The following ADCY4 variants were observed in gnomAD, a reference collection of about 807,000 sequenced individuals.
The protein encoded by ADCY4 is adenylate cyclase 4, also known as adenylate cyclase type 4.
ADCY4 carries 111 observed loss-of-function variants against 125.5 expected under a neutral mutation model. That is an observed-to-expected ratio of 0.88 (90% CI 0.76 to 1.04). The LOEUF is 1.04. ADCY4 is among the 50% of genes least tolerant of loss of function. The pLI, the probability that ADCY4 is intolerant of heterozygous loss-of-function variation, is 0.00. For missense variants in ADCY4, 1,256 were observed against 1,382.9 expected, an observed-to-expected ratio of 0.91 and a Z score of 1.46; for synonymous variants, 576 against 586.9, an observed-to-expected ratio of 0.98 and a Z score of 0.27.
chr14:24,332,549 C>A lies in ADCY4; in HGVS notation c.492G>T (p.Pro164=). 8 of 1,572,296 alleles carry A rather than the reference C, an allele frequency of 5.1e-6. No individual in the cohort carries two copies. Among genetic ancestry groups the A allele is most frequent in the Non-Finnish European group, 6.9e-6 (8 of 1,158,936 alleles). The change falls in exon 3 of 25, where the codon CCG becomes CCT. Residue 164 remains proline, a synonymous_variant. Transcript: ENST00000418030. ...LVLGLYLGPQ[P]DSRPALLPQL... ...GCGGCAGCAGTGCAGGCCGTGAGTC[C>A]GGCTGTGGCCCAAGATACAGCCCGA...
intron 3 of ADCY4, 38 bp from the exon 4 acceptor site, chr14:24,331,975 G>C: frequency 2.0e-6 from 3 of 1,498,648 alleles, no homozygotes; most frequent in Admixed American, 2.1e-5. Flanking sequence ...CGCGGGACCC[G>C]GGTGCTTGTC....
intron 20 of ADCY4, among the ~76,000 whole-genome samples, chr14:24,320,736 T>C (rs2041837536): frequency 1.3e-5 from 2 of 152,176 alleles, no homozygotes; most frequent in South Asian, 2.1e-4. Context: ...ATTTTTGCAA[T>C]GGAAACATTC....
At chr14:24,325,347 C>A (rs749411542) in intron 14 of ADCY4, 30 bp downstream of exon 14, 1 of 1,591,926 alleles carries the variant, frequency 6.3e-7, no homozygotes, top group South Asian at 1.1e-5. Flanking sequence ...TTATGACAGC[C>A]AGGGCCTCCT....
chr14:24,323,173 G>T, intron 17 of ADCY4, 85 bp from the exon 18 acceptor site: 1 of 1,502,776 alleles, frequency 6.7e-7, no homozygotes. Flanking sequence ...GTCCCTCCCA[G>T]GCCCAGGTCC....
At chr14:24,329,710 T>C (rs2042010193) in intron 8 of ADCY4, 150 bp downstream of exon 8, 1 of 1,402,722 alleles carries the variant, frequency 7.1e-7, no homozygotes, top group Non-Finnish European at 9.5e-7. Context: ...CCAGCTCCCC[T>C]CCCTGCACCC....
At position 24,326,326 on chromosome 14, in the gene ADCY4, G is replaced by T; in HGVS notation, c.1541C>A (p.Ser514Tyr). The T allele has an allele frequency of 6.2e-7, 1 of 1,614,074 alleles. No individual in the cohort carries two copies. The highest frequency in any genetic ancestry group is 8.5e-7 in the Non-Finnish European group (1 of 1,180,018). ...STPLPEKTLA[S>Y]FSTQWSLDRS... The stretch of plus-strand genomic sequence containing the variant: ...ATCCAGGCTCCACTGGGTGCTGAAG[G>T]AAGCCAGGGTCTTCTCCTGTTGGGA... Residue 514 changes from serine to tyrosine, a missense_variant, in exon 11 of 25, where the codon TCC becomes TAC. Ser to Tyr is a moderately radical substitution (Grantham distance 144, BLOSUM62 -2). Coordinates refer to ENST00000418030, the MANE Select transcript of ADCY4 (RefSeq NM_001198568.2).
chr14:24,322,206 G>A lies in ADCY4; in HGVS notation c.2446C>T (p.Leu816=), dbSNP rs762135158. 6.2e-7 allele frequency: 1 copy of A among 1,613,690 alleles called. No homozygotes were observed. The highest frequency in any genetic ancestry group is 8.5e-7 in the Non-Finnish European group (1 of 1,179,818). ...LARQNEYYCR[L]DFLWKKKLRQ... ...AGCTTCTTCTTCCACAGGAAGTCCA[G>A]GCGGCAGTAGTACTCATTCTGGGGA... The change falls in exon 20 of 25, where the codon CTG becomes TTG. Residue 816 remains leucine, a synonymous_variant. Coordinates refer to ENST00000418030, the MANE Select transcript of ADCY4 (RefSeq NM_001198568.2).
chr14:24,330,933 T>C, intron 6 of ADCY4, 85 bp downstream of exon 6: 1 of 1,263,192 alleles, frequency 7.9e-7, no homozygotes, highest in East Asian at 2.4e-5. Flanking sequence ...CCTGGGATCT[T>C]ATAAGGTGGG....
intron 1 of ADCY4, among the ~76,000 whole-genome samples, chr14:24,333,856 T>C (rs1233128999): frequency 6.6e-6 from 1 of 152,112 alleles, no homozygotes; most frequent in Non-Finnish European, 1.5e-5. Flanking sequence ...TCTCGCCACC[T>C]GCCTCAACTC....
At chr14:24,327,489 C>T (rs1258910667) in intron 10 of ADCY4, among the ~76,000 whole-genome samples, 1 of 152,174 alleles carries the variant, frequency 6.6e-6, no homozygotes, top group African/African-American at 2.4e-5. Flanking sequence ...TCAGCTGAAC[C>T]TCAGCTTCTT....
Position 24,322,997 on chromosome 14 carries a change from C to T in ADCY4, c.2249G>A (p.Trp750Ter). The change falls in exon 18 of 25, where the codon TGG becomes TAG. Residue 750 changes from tryptophan to a stop codon, truncating the protein, a stop_gained. Transcript: ENST00000418030. LOFTEE classifies it high-confidence loss of function. ...GAAGAGGGAGCAGGATGCCGCCAGC[C>T]ACAGCAGGAGCAGCAGCAGCTTCAG... is the stretch of plus-strand genomic sequence containing the variant. ...FELKLLLLLL[W>*]LAASCSLFLH... 1.2e-6 allele frequency: 2 copies of T among 1,614,096 alleles called. No homozygotes were observed. The highest frequency in any genetic ancestry group is 1.7e-6 in the Non-Finnish European group (2 of 1,179,996).
rs2139219270 is a variant in ADCY4, at chr14:24,329,907, T to G, written c.1170A>C (p.Ser390=). The change falls in exon 8 of 25, where the codon TCA becomes TCC. Residue 390 remains serine, a synonymous_variant. Transcript: ENST00000418030. The part of the protein sequence containing the change: ...GLQKWQYDVW[S]HDVTLANHME... Reference sequence around the variant, plus strand: ...TGTGGTTAGCCAGTGTGACATCATGTGACCAAACGTCGTACTGCCACTTCT... The same window carrying G: ...TGTGGTTAGCCAGTGTGACATCATGGGACCAAACGTCGTACTGCCACTTCT... 6.2e-7 allele frequency: 1 copy of G among 1,614,154 alleles called. No individual in the cohort carries two copies. The highest frequency in any genetic ancestry group is 8.5e-7 in the Non-Finnish European group (1 of 1,180,008).
At chr14:24,318,960 C>G in intron 23 of ADCY4, 138 bp downstream of exon 23, 2 of 1,389,154 alleles carry the variant, frequency 1.4e-6, no homozygotes, top group East Asian at 2.3e-5. Context: ...TGCCCAGCAC[C>G]TTCACACCCC....
chr14:24,322,399 G>C lies in ADCY4; in HGVS notation c.2428-175C>G, dbSNP rs957244034. The C allele has an allele frequency of 7.9e-6, 7 of 883,020 alleles. No individual in the cohort carries two copies. The Admixed American group carries it at 8.7e-5, about 11-fold the overall frequency. The allele number at this position is 883,020 out of a possible 1,614,324, so 54.7% of individuals were successfully genotyped here. Reference sequence around the variant, plus strand: ...GAGACTATCCTTGAAATTAGATTCAGACTAGGGATAGAGAATTGGCAGCAG... The same window carrying C: ...GAGACTATCCTTGAAATTAGATTCACACTAGGGATAGAGAATTGGCAGCAG... On this transcript the variant is annotated intron_variant, in intron 19 of 24. Coordinates refer to ENST00000418030, the MANE Select transcript of ADCY4 (RefSeq NM_001198568.2).
chr14:24,321,776 G>C, intron 20 of ADCY4: 1 of 1,119,474 alleles, frequency 8.9e-7, no homozygotes, highest in Non-Finnish European at 1.1e-6. Context: ...GCGGCCTGGG[G>C]GCTGGGGACC....
chr14:24,332,338 C>G, intron 3 of ADCY4, 184 bp downstream of exon 3: 1 of 648,826 alleles, frequency 1.5e-6, no homozygotes, highest in Non-Finnish European at 2.5e-6. Flanking sequence ...GGCCTGGATC[C>G]CTCTTCTGGT....
intron 7 of ADCY4, 70 bp downstream of exon 7, chr14:24,330,098 A>C (rs554710021): frequency 1.3e-6 from 2 of 1,598,848 alleles, no homozygotes; most frequent in Non-Finnish European, 1.7e-6. Context: ...CACAAAGAGG[A>C]CTTCTGTCAG....
intron 2 of ADCY4, 42 bp from the exon 3 acceptor site, chr14:24,332,725 A>C (rs1187309680): frequency 1.3e-6 from 2 of 1,558,384 alleles, no homozygotes; most frequent in South Asian, 1.2e-5. Flanking sequence ...AAGTGGGGCT[A>C]TTCAAGGCCT....
Position 24,319,628 on chromosome 14 carries a change from G to T in ADCY4, c.2733+114C>A. The T allele has an allele frequency of 7.2e-7, 1 of 1,382,522 alleles. No homozygotes were observed. Among genetic ancestry groups the T allele is most frequent in the Non-Finnish European group, 1.0e-6 (1 of 986,926 alleles). The allele number at this position is 1,382,522 out of a possible 1,614,324, so 85.6% of individuals were successfully genotyped here. A position where few individuals can be genotyped will look rare whatever the true frequency, so the allele number is the denominator to read the frequency against. ...CTGGGGGATCAGAGGAGGTGAGGGAGTACTGTGGAGGGGAGGATTGACTTC... is the reference window on the plus strand; with the variant it reads ...CTGGGGGATCAGAGGAGGTGAGGGATTACTGTGGAGGGGAGGATTGACTTC... On this transcript the variant is annotated intron_variant, in intron 21 of 24. Coordinates refer to ENST00000418030, the MANE Select transcript of ADCY4 (RefSeq NM_001198568.2). This position sits in a 1 kb window ranked among gnomAD's most constrained non-coding sequence, Gnocchi z 4.5.
Sources: allele counts gnomAD v4.1 joint callset (sites outside exome capture counted in the v4.1 genomes callset), GRCh38; gene constraint gnomAD v4.1.1; non-coding constraint Gnocchi (gnomAD v3.1); transcripts MANE v1.5; gene names NCBI Gene and HGNC (gene_info 2026-07-23, HGNC 2026-07-21).